PIGU: variants seen among roughly 807,000 people sequenced by gnomAD.
The protein encoded by PIGU is phosphatidylinositol glycan anchor biosynthesis class U.
In PIGU, 24 loss-of-function variants were observed where a neutral mutation model predicts 49.9. The ratio of observed to expected loss-of-function variants is 0.48; its 90% CI spans 0.35 to 0.68. The LOEUF (loss-of-function observed/expected upper bound fraction) is 0.68, where lower values mean the gene tolerates loss of function less well. Among genes scored for constraint, PIGU ranks in the 30% least tolerant of loss-of-function variants. PIGU has a pLI of 0.01. For synonymous variants in PIGU, 220 were observed against 205.7 expected, an observed-to-expected ratio of 1.07 and a Z score of -0.59; for missense variants, 490 against 532.6, an observed-to-expected ratio of 0.92 and a Z score of 0.79.
chr20:34,596,009 G>A (rs1317558694), intron 7 of PIGU, among the ~76,000 whole-genome samples: 2 of 152,172 alleles, frequency 1.3e-5, no homozygotes, highest in Non-Finnish European at 2.9e-5. Context: ...GCCCAGTCGG[G>A]CGATGGAGCG....
Position 34,657,229 on chromosome 20 carries a change from G to A in PIGU, c.146C>T (p.Ser49Leu). 1 of 1,612,666 alleles carries A rather than the reference G, an allele frequency of 6.2e-7. No individual in the cohort carries two copies. Among genetic ancestry groups the A allele is most frequent in the Non-Finnish European group, 8.5e-7 (1 of 1,178,730 alleles). The change falls in exon 2 of 12, where the codon TCA (serine) becomes TTA (leucine). Residue 49 changes from serine to leucine, a missense_variant. Ser to Leu is a moderately radical substitution (Grantham distance 145, BLOSUM62 -2). Coordinates refer to ENST00000217446, the MANE Select transcript of PIGU (RefSeq NM_080476.5). ...SSWKRVVEGL[S>L]LLDLGVSPYS... Reference sequence around the variant, plus strand: ...CGGAGATACTCCCAAGTCCAACAGTGAAAGGCCTTCAACCACTGAAAAATT... The same window carrying A: ...CGGAGATACTCCCAAGTCCAACAGTAAAAGGCCTTCAACCACTGAAAAATT...
At chr20:34,651,708 T>C (rs4911158) in intron 2 of PIGU, among the ~76,000 whole-genome samples, 63,329 of 151,984 alleles carry the variant, frequency 0.42, 13,665 homozygotes, top group Admixed American at 0.57. Flanking sequence ...ACCATATGCA[T>C]GAATGTGTCC....
intron 7 of PIGU, among the ~76,000 whole-genome samples, chr20:34,592,424 TAAG>T (rs985253357): frequency 2.9e-5 from 3 of 101,962 alleles, no homozygotes; most frequent in Non-Finnish European, 6.4e-5. Flanking sequence ...GGCTTTCTAA[TAAG>T]AATAATTAAG....
intron 11 of PIGU, among the ~76,000 whole-genome samples, chr20:34,572,612 C>T (rs1983061717): frequency 6.6e-6 from 1 of 152,104 alleles, no homozygotes; most frequent in African/African-American, 2.4e-5. Flanking sequence ...CAAGATCACG[C>T]CATTGCGCTC....
intron 7 of PIGU, among the ~76,000 whole-genome samples, chr20:34,610,606 A>G (rs1984777845): frequency 6.6e-6 from 1 of 152,230 alleles, no homozygotes; most frequent in Non-Finnish European, 1.5e-5. Context: ...GGAAGAATCA[A>G]TATCATGAAA....
At chr20:34,599,387 A>G (rs1984326427) in intron 7 of PIGU, among the ~76,000 whole-genome samples, 1 of 152,080 alleles carries the variant, frequency 6.6e-6, no homozygotes, top group Admixed American at 6.6e-5. Context: ...TAGGAAGCAG[A>G]GGTTGCAGTG....
At chr20:34,587,237 A>G (rs1983733007) in intron 8 of PIGU, among the ~76,000 whole-genome samples, 1 of 152,190 alleles carries the variant, frequency 6.6e-6, no homozygotes, top group Non-Finnish European at 1.5e-5. Flanking sequence ...GGTGATTCTG[A>G]TGCACCTTAA....
chr20:34,599,508 T>C (rs1014457602), intron 7 of PIGU, among the ~76,000 whole-genome samples: 4 of 152,074 alleles, frequency 2.6e-5, no homozygotes, highest in Admixed American at 1.3e-4. Context: ...AGTAAAGGTG[T>C]TGATCAAACT....
At chr20:34,657,848 G>C (rs1373161461) in intron 1 of PIGU, among the ~76,000 whole-genome samples, 1 of 152,038 alleles carries the variant, frequency 6.6e-6, no homozygotes, top group Non-Finnish European at 1.5e-5. Context: ...TTATTTCAAT[G>C]AATTATGACA....
At chr20:34,650,291 G>C (rs1160856389) in intron 2 of PIGU, among the ~76,000 whole-genome samples, 1 of 151,450 alleles carries the variant, frequency 6.6e-6, no homozygotes, top group Non-Finnish European at 1.5e-5. Flanking sequence ...TGGGAGGGGG[G>C]AAAGGGTCTC....
chr20:34,624,478 C>A (rs904702370), intron 6 of PIGU, among the ~76,000 whole-genome samples: 1 of 152,178 alleles, frequency 6.6e-6, no homozygotes, highest in African/African-American at 2.4e-5. Flanking sequence ...CCTTCTTTCT[C>A]CTTGGCAAGC....
chr20:34,647,172 T>C (rs1350844923), intron 2 of PIGU, among the ~76,000 whole-genome samples: 1 of 152,044 alleles, frequency 6.6e-6, no homozygotes, highest in African/African-American at 2.4e-5. Context: ...GGTTTCTCCA[T>C]GTTGGTCAGG....
At position 34,581,603 on chromosome 20, in the gene PIGU, C is replaced by A; in HGVS notation, c.996G>T (p.Val332=). Reference sequence around the variant, plus strand: ...AGGCCATGTAGAGCGCCACGTCCCCCACTGTCGGGTAGGACTTAAAGATGG... The same window carrying A: ...AGGCCATGTAGAGCGCCACGTCCCCAACTGTCGGGTAGGACTTAAAGATGG... ...VIAIFKSYPT[V]GDVALYMAFF... The change falls in exon 10 of 12, where the codon GTG becomes GTT. Residue 332 remains valine (V), a synonymous_variant. Transcript: ENST00000217446. 6.2e-7 allele frequency: 1 copy of A among 1,614,058 alleles called. No homozygotes were observed. Among genetic ancestry groups the A allele is most frequent in the Non-Finnish European group, 8.5e-7 (1 of 1,180,006 alleles).
At chr20:34,635,547 T>G (rs1445269834) in intron 5 of PIGU, among the ~76,000 whole-genome samples, 1 of 152,242 alleles carries the variant, frequency 6.6e-6, no homozygotes, top group East Asian at 1.9e-4. Flanking sequence ...TTGTATTTAT[T>G]TCTATCCTGC....
intron 7 of PIGU, among the ~76,000 whole-genome samples, chr20:34,598,260 C>T (rs1334252812): frequency 6.6e-6 from 1 of 152,078 alleles, no homozygotes; most frequent in African/African-American, 2.4e-5. Flanking sequence ...GATGGGACAT[C>T]ATGGGTATGG....
intron 7 of PIGU, among the ~76,000 whole-genome samples, chr20:34,596,805 CTAAT>C (rs1339900152): frequency 6.6e-6 from 1 of 152,132 alleles, no homozygotes; most frequent in Non-Finnish European, 1.5e-5. Context: ...TTTGTTAAAA[CTAAT>C]TACGATGGCT....
chr20:34,563,741 G>T (rs6059919), intron 11 of PIGU, among the ~76,000 whole-genome samples: 128,862 of 151,934 alleles, frequency 0.85, 54,858 homozygotes, highest in Admixed American at 0.92. Flanking sequence ...AAGCCTAGGG[G>T]GGTCTAGACT....
chr20:34,643,800 C>CAAAAAA (rs749414414), intron 4 of PIGU: 53 of 44,790 alleles, frequency 1.2e-3, no homozygotes, highest in East Asian at 2.8e-3. Context: ...TCTTCCTATG[C>CAAAAAA]AAAAAAAAAA....
intron 1 of PIGU, among the ~76,000 whole-genome samples, chr20:34,659,432 G>A (rs1444362814): frequency 2.0e-5 from 3 of 147,926 alleles, no homozygotes; most frequent in Non-Finnish European, 3.0e-5. Context: ...GGAGGTGGGG[G>A]GGTCAGCCCC....
Sources: allele counts gnomAD v4.1 joint callset (sites outside exome capture counted in the v4.1 genomes callset), GRCh38; gene constraint gnomAD v4.1.1; transcripts MANE v1.5; gene names NCBI Gene and HGNC (gene_info 2026-07-23, HGNC 2026-07-21).